Variants in OR5AS1 observed in about 807,000 individuals in gnomAD.
The protein encoded by OR5AS1 is olfactory receptor 5AS1.
For missense variants in OR5AS1, 492 were observed against 378.2 expected (o/e 1.30, Z -2.50); for synonymous variants, 196 against 141.7 (o/e 1.38, Z -2.72).
At position 56,036,405 on chromosome 11, in the gene OR5AS1, A is replaced by G. The variant is rs531470466; in HGVS notation, c.*5012A>G. The G allele has an allele frequency of 4.6e-5, 7 of 152,270 alleles. No individual in the cohort carries two copies. The highest frequency in any genetic ancestry group is 1.7e-4 in the African/African-American group (7 of 41,526). The allele number at this position is 152,270 out of a possible 1,614,324, so 9.4% of individuals were successfully genotyped here. A position where few individuals can be genotyped will look rare whatever the true frequency, so the allele number is the denominator to read the frequency against. On this transcript the variant is annotated 3_prime_UTR_variant, in exon 2 of 2. Coordinates refer to ENST00000641320, the MANE Select transcript of OR5AS1 (RefSeq NM_001001921.2). ...ACTAGCCAGACTAATAAAGAAGAAAAGAGAGAAGAATCAAATAGACACAAT... is the reference window on the plus strand; with the variant it reads ...ACTAGCCAGACTAATAAAGAAGAAAGGAGAGAAGAATCAAATAGACACAAT...
Position 56,033,386 on chromosome 11 carries a change from T to G in OR5AS1, c.*1993T>G, listed in dbSNP as rs2134696657. On this transcript the variant is annotated 3_prime_UTR_variant, in exon 2 of 2. Coordinates refer to ENST00000641320, the MANE Select transcript of OR5AS1 (RefSeq NM_001001921.2). ...GCTAAGATCCACTGGCTTGAAATTCTTCCTGCAAGCATAGCAGTCTGAAGT... is the reference window on the plus strand; with the variant it reads ...GCTAAGATCCACTGGCTTGAAATTCGTCCTGCAAGCATAGCAGTCTGAAGT... 1 of 152,576 alleles carries G rather than the reference T, an allele frequency of 6.6e-6. No individual in the cohort carries two copies. Among genetic ancestry groups the G allele is most frequent in the Middle Eastern group, 3.4e-3 (1 of 298 alleles). 9.5% of individuals were successfully genotyped at this position (152,576 alleles called of 1,614,324 possible).
In OR5AS1 at chr11:56,030,395, A is replaced by T; in HGVS notation, c.-24A>T. The T allele has an allele frequency of 7.0e-7, 1 of 1,425,374 alleles. No homozygotes were observed. The allele number at this position is 1,425,374 out of a possible 1,614,324, so 88.3% of individuals were successfully genotyped here. On this transcript the variant is annotated 5_prime_UTR_variant, in exon 2 of 2. Transcript: ENST00000641320. ...ACATCTGCTGATACTACCTAGGTCC[A>T]GTGGGAAAAACAAGAAAACTAAGAT...
rs934566174 is a variant in OR5AS1, at chr11:56,030,517, G to C, written c.99G>C (p.Leu33=). ...TCACACTGTTCTTGGTATTCCTTCT[G>C]GTATATACATTAACTATGGTCGGAA... ...LRVTLFLVFL[L]VYTLTMVGNI... is the part of the protein sequence containing the mutation. Residue 33 remains leucine (L), a synonymous_variant, in exon 2 of 2, where the codon CTG becomes CTC. Transcript: ENST00000641320. The C allele has an allele frequency of 6.4e-7, 1 of 1,550,542 alleles. No homozygotes were observed. The highest frequency in any genetic ancestry group is 1.2e-5 in the South Asian group (1 of 83,536).
rs759372779 is a variant in OR5AS1, at chr11:56,030,611, A to G, written c.193A>G (p.Asn65Asp). 1.3e-6 allele frequency: 2 copies of G among 1,548,338 alleles called. No homozygotes were observed. The highest frequency in any genetic ancestry group is 2.5e-5 in the South Asian group (2 of 79,868). ...AATTCCCATGTATTATTTTCTTAGC[A>G]ACTTATCTTTCTTAGACATCAGCTG... The part of the protein sequence containing the change: ...LQIPMYYFLS[N>D]LSFLDISCST... Residue 65 changes from asparagine to aspartate, a missense_variant, in exon 2 of 2, where the codon AAC becomes GAC. Asn to Asp is a conservative substitution (Grantham distance 23). Transcript: ENST00000641320.
intron 1 of OR5AS1, among the ~76,000 whole-genome samples, chr11:56,028,573 G>T (rs1022996161): frequency 2.0e-5 from 3 of 152,092 alleles, no homozygotes; most frequent in Non-Finnish European, 4.4e-5. Flanking sequence ...CTAAGATCCA[G>T]TGGGGTCCAA....
rs573529944 is a variant in OR5AS1 at position 56,031,041 on chromosome 11, C to T, written c.623C>T (p.Thr208Ile). ...LLFALCSFIQ[T>I]STFVVIFISY... ...TTTGCTTTGTGCAGCTTCATCCAGA[C>T]CAGCACTTTTGTGGTAATATTTATT... The change falls in exon 2 of 2, where the codon ACC (threonine) becomes ATC (isoleucine). Residue 208 changes from threonine (T) to isoleucine (I), a missense_variant. Transcript: ENST00000641320. 3 of 1,614,020 alleles carry T rather than the reference C, an allele frequency of 1.9e-6. 1 individual carries two copies. Among genetic ancestry groups the T allele is most frequent in the African/African-American group, 2.7e-5 (2 of 74,898 alleles).
chr11:56,030,882 C>G lies in OR5AS1; in HGVS notation c.464C>G (p.Thr155Arg), dbSNP rs980896759. ...IVLAYFSGST[T>R]SLVHVCLTFR... is the part of the protein sequence containing the mutation. ...TTGGCATATTTCAGTGGAAGTACAA[C>G]ATCACTGGTCCATGTGTGCCTCACA... The change falls in exon 2 of 2, where the codon ACA (threonine) becomes AGA (arginine). Residue 155 changes from threonine (T) to arginine (R), a missense_variant. Transcript: ENST00000641320. 5.0e-6 allele frequency: 8 copies of G among 1,613,942 alleles called. No individual in the cohort carries two copies. Among genetic ancestry groups the G allele is most frequent in the Non-Finnish European group, 5.9e-6 (7 of 1,179,956 alleles).
rs1421716531 is a variant in OR5AS1, at chr11:56,032,286, A to G, written c.*893A>G. ...TTATTTATATTCATGTTGCTAACAT[A>G]GTCTTTGAGGCTCTATCTTCAAGAA... On this transcript the variant is annotated 3_prime_UTR_variant, in exon 2 of 2. Transcript: ENST00000641320. The G allele has an allele frequency of 6.6e-6, 1 of 152,166 alleles. No homozygotes were observed. The highest frequency in any genetic ancestry group is 1.5e-5 in the Non-Finnish European group (1 of 68,030). 9.4% of individuals were successfully genotyped at this position (152,166 alleles called of 1,614,324 possible). A position where few individuals can be genotyped will look rare whatever the true frequency, so the allele number is the denominator to read the frequency against.
In OR5AS1 at chr11:56,035,948, C is replaced by A. The variant is rs766357844; in HGVS notation, c.*4555C>A. 6.6e-6 allele frequency: 1 copy of A among 152,128 alleles called. No individual in the cohort carries two copies. Among genetic ancestry groups the A allele is most frequent in the Non-Finnish European group, 1.5e-5 (1 of 68,048 alleles). 9.4% of individuals were successfully genotyped at this position (152,128 alleles called of 1,614,324 possible). On this transcript the variant is annotated 3_prime_UTR_variant, in exon 2 of 2. Transcript: ENST00000641320. ...CATAACAGTCTCTCAGACCACAGTG[C>A]AATCAAATTAGAACTCAGGATTAAG... is the stretch of plus-strand genomic sequence containing the variant.
Position 56,031,317 on chromosome 11 carries a change from C to T in OR5AS1, c.899C>T (p.Ala300Val), listed in dbSNP as rs773554366. 6.2e-7 allele frequency: 1 copy of T among 1,600,148 alleles called. No individual in the cohort carries two copies. The change falls in exon 2 of 2, where the codon GCT becomes GTT. Residue 300 changes from alanine to valine, a missense_variant. Transcript: ENST00000641320. Reference sequence around the variant, plus strand: ...TTCAGAAACAAGGATGTGAAAAATGCTCTCAAAAAGCTATTAGAAAGAATT... The same window carrying T: ...TTCAGAAACAAGGATGTGAAAAATGTTCTCAAAAAGCTATTAGAAAGAATT... ...YSFRNKDVKN[A>V]LKKLLERIGY...
Position 56,030,821 on chromosome 11 carries a change from C to G in OR5AS1, c.403C>G (p.Leu135Val). 6.2e-7 allele frequency: 1 copy of G among 1,614,026 alleles called. No individual in the cohort carries two copies. The highest frequency in any genetic ancestry group is 2.2e-5 in the East Asian group (1 of 44,880). Residue 135 changes from leucine to valine, a missense_variant, in exon 2 of 2, where the codon CTG becomes GTG. Coordinates refer to ENST00000641320, the MANE Select transcript of OR5AS1 (RefSeq NM_001001921.2). Reference protein sequence around the residue: ...AICNPLLYTTLMSRRVCVCFI... With the variant: ...AICNPLLYTTVMSRRVCVCFI... ...CTGCAACCCACTGCTCTATACTACA[C>G]TGATGTCTAGGAGAGTCTGTGTCTG...
In OR5AS1 at chr11:56,030,918, C is replaced by T; in HGVS notation, c.500C>T (p.Ser167Leu). The T allele has an allele frequency of 6.2e-7, 1 of 1,614,140 alleles. No homozygotes were observed. The highest frequency in any genetic ancestry group is 1.1e-5 in the South Asian group (1 of 91,080). The change falls in exon 2 of 2, where the codon TCA becomes TTA. Residue 167 changes from serine to leucine, a missense_variant. By Grantham distance (145) the Ser-to-Leu change is moderately radical. Transcript: ENST00000641320. Reference sequence around the variant, plus strand: ...CATGTGTGCCTCACATTCAGGCTGTCATTTTGTGGCTCCAATATCGTCAAT... The same window carrying T: ...CATGTGTGCCTCACATTCAGGCTGTTATTTTGTGGCTCCAATATCGTCAAT... ...LVHVCLTFRLSFCGSNIVNHF... is the reference protein window; with the variant it reads ...LVHVCLTFRLLFCGSNIVNHF...
In OR5AS1 at chr11:56,030,483, C is replaced by G; in HGVS notation, c.65C>G (p.Pro22Arg). The change falls in exon 2 of 2, where the codon CCT becomes CGT. Residue 22 changes from proline (P) to arginine (R), a missense_variant. Coordinates refer to ENST00000641320, the MANE Select transcript of OR5AS1 (RefSeq NM_001001921.2). ...TTTGTTGGATTCACAGATTATCTAC[C>G]TCTCAGAGTCACACTGTTCTTGGTA... ...FLFVGFTDYL[P>R]LRVTLFLVFL... The G allele has an allele frequency of 6.7e-7, 1 of 1,503,714 alleles. No homozygotes were observed. The highest frequency in any genetic ancestry group is 8.9e-7 in the Non-Finnish European group (1 of 1,122,900). The allele number at this position is 1,503,714 out of a possible 1,614,324, so 93.1% of individuals were successfully genotyped here. A position where few individuals can be genotyped will look rare whatever the true frequency, so the allele number is the denominator to read the frequency against.
At chr11:56,029,258 T>A (rs1257486181) in intron 1 of OR5AS1, among the ~76,000 whole-genome samples, 1 of 152,090 alleles carries the variant, frequency 6.6e-6, no homozygotes, top group Non-Finnish European at 1.5e-5. Flanking sequence ...CTGCTTAATA[T>A]TCCATTCGCA....
rs1309132222 is a variant in OR5AS1 at position 56,031,918 on chromosome 11, G to A, written c.*525G>A. On this transcript the variant is annotated 3_prime_UTR_variant, in exon 2 of 2. Coordinates refer to ENST00000641320, the MANE Select transcript of OR5AS1 (RefSeq NM_001001921.2). ...AGACATAAATTTAAGTATGGATGGA[G>A]GGATGGATAGATGGATAGATAGATG... The A allele has an allele frequency of 1.3e-5, 2 of 152,620 alleles. No individual in the cohort carries two copies. Among genetic ancestry groups the A allele is most frequent in the Non-Finnish European group, 2.9e-5 (2 of 68,446 alleles). The allele number at this position is 152,620 out of a possible 1,614,324, so 9.5% of individuals were successfully genotyped here.
Position 56,036,907 on chromosome 11 carries a change from A to C in OR5AS1, c.*5514A>C, listed in dbSNP as rs1296456758. 1 of 152,074 alleles carries C rather than the reference A, an allele frequency of 6.6e-6. No individual in the cohort carries two copies. The highest frequency in any genetic ancestry group is 2.4e-5 in the African/African-American group (1 of 41,370). 9.4% of individuals were successfully genotyped at this position (152,074 alleles called of 1,614,324 possible). ...AAACTGAATTCAGCGGCACATCAAA[A>C]AGCTTATCCACCAATCAAATTGGCT... On this transcript the variant is annotated 3_prime_UTR_variant, in exon 2 of 2. Coordinates refer to ENST00000641320, the MANE Select transcript of OR5AS1 (RefSeq NM_001001921.2).
Position 56,031,045 on chromosome 11 carries a change from C to G in OR5AS1, c.627C>G (p.Ser209Arg). ...LFALCSFIQT[S>R]TFVVIFISYF... ...CTTTGTGCAGCTTCATCCAGACCAG[C>G]ACTTTTGTGGTAATATTTATTTCTT... Residue 209 changes from serine (S) to arginine (R), a missense_variant, in exon 2 of 2, where the codon AGC (serine) becomes AGG (arginine). By Grantham distance (110) the Ser-to-Arg change is moderately radical. Transcript: ENST00000641320. 6.2e-7 allele frequency: 1 copy of G among 1,614,116 alleles called. No homozygotes were observed. The highest frequency in any genetic ancestry group is 8.5e-7 in the Non-Finnish European group (1 of 1,179,994).
Position 56,030,650 on chromosome 11 carries a change from A to C in OR5AS1, c.232A>C (p.Thr78Pro). 1 of 1,572,916 alleles carries C rather than the reference A, an allele frequency of 6.4e-7. No individual in the cohort carries two copies. The highest frequency in any genetic ancestry group is 8.6e-7 in the Non-Finnish European group (1 of 1,158,898). ...FLDISCSTAI[T>P]PKMLANFLAS... Reference sequence around the variant, plus strand: ...AGACATCAGCTGTTCTACAGCAATCACTCCTAAAATGCTGGCAAACTTCTT... The same window carrying C: ...AGACATCAGCTGTTCTACAGCAATCCCTCCTAAAATGCTGGCAAACTTCTT... Residue 78 changes from threonine (T) to proline (P), a missense_variant, in exon 2 of 2, where the codon ACT becomes CCT. Transcript: ENST00000641320.
intron 1 of OR5AS1, 29 bp from the exon 2 acceptor site, chr11:56,030,362 G>A (rs1428828229): frequency 4.2e-6 from 5 of 1,201,362 alleles, no homozygotes; most frequent in East Asian, 2.6e-5. Flanking sequence ...CATAACTCAA[G>A]TTAACTCACA....
Sources: allele counts gnomAD v4.1 joint callset (sites outside exome capture counted in the v4.1 genomes callset), GRCh38; gene constraint gnomAD v4.1.1; transcripts MANE v1.5; gene names NCBI Gene and HGNC (gene_info 2026-07-23, HGNC 2026-07-21).